The following TENT2 variants were observed in gnomAD, a reference collection of about 807,000 sequenced individuals.
TENT2 encodes the protein terminal nucleotidyltransferase 2, also known as poly(A) RNA polymerase GLD2.
In TENT2, 44 loss-of-function variants were observed where a neutral mutation model predicts 72.2. The ratio of observed to expected loss-of-function variants is 0.61; its 90% confidence interval spans 0.48 to 0.78. The LOEUF is 0.78. Ranked by LOEUF, TENT2 falls within the 30% of genes least tolerant of loss-of-function variation. The pLI is 0.00. For missense variants in TENT2, 541 were observed against 569.6 expected (o/e 0.95, Z 0.51); for synonymous variants, 212 against 192.5 (o/e 1.10, Z -0.84).
At chr5:79,677,962 CT>C (rs1265566332) in intron 12 of TENT2, among the ~76,000 whole-genome samples, 2 of 152,156 alleles carry the variant, frequency 1.3e-5, no homozygotes, top group Admixed American at 1.3e-4. Context: ...ACGCCTGCTA[CT>C]TTTTGGATTT....
chr5:79,677,102 A>G (rs954514097), intron 12 of TENT2, among the ~76,000 whole-genome samples: 13 of 152,228 alleles, frequency 8.5e-5, no homozygotes, highest in African/African-American at 2.4e-4. Flanking sequence ...GAGTACAAAG[A>G]GTATACAATT....
At chr5:79,664,404 G>A (rs1034257044) in intron 11 of TENT2, among the ~76,000 whole-genome samples, 15 of 152,008 alleles carry the variant, frequency 9.9e-5, no homozygotes, top group Admixed American at 9.8e-4. Flanking sequence ...AGATCATCCT[G>A]GCCAACATGG....
intron 4 of TENT2, among the ~76,000 whole-genome samples, chr5:79,629,482 A>T (rs73119781): frequency 2.6e-5 from 4 of 152,186 alleles, no homozygotes; most frequent in African/African-American, 9.7e-5. Flanking sequence ...CTAAACATAC[A>T]TGGTCTCTAC....
intron 1 of TENT2, among the ~76,000 whole-genome samples, chr5:79,617,794 A>G (rs567565673): frequency 7.2e-5 from 11 of 152,328 alleles, no homozygotes; most frequent in African/African-American, 2.6e-4. Flanking sequence ...GTCCTGTGCT[A>G]TTGAGAAGTC....
chr5:79,645,265 TAAG>T (rs1176678493), intron 8 of TENT2, 73 bp downstream of exon 8: 9 of 1,156,732 alleles, frequency 7.8e-6, no homozygotes, highest in Admixed American at 2.3e-5. Context: ...TAAAGATAAT[TAAG>T]AAGTGTATGT....
At chr5:79,643,607 A>C (rs1485930689) in intron 7 of TENT2, among the ~76,000 whole-genome samples, 2 of 152,182 alleles carry the variant, frequency 1.3e-5, no homozygotes, top group African/African-American at 4.8e-5. Flanking sequence ...CAAGTCAAGT[A>C]ACAAGTCACT....
chr5:79,679,752 G>A, intron 13 of TENT2, 82 bp downstream of exon 13: 1 of 748,058 alleles, frequency 1.3e-6, no homozygotes, highest in Admixed American at 3.2e-5. Flanking sequence ...TCAGTTAAAA[G>A]TAATACATTT....
Position 79,668,596 on chromosome 5 carries a change from T to C in TENT2, c.1072-296T>C. 5.3e-5 allele frequency: 12 copies of C among 225,036 alleles called. No individual in the cohort carries two copies. In the East Asian group the frequency reaches 6.2e-4, roughly 12 times the overall value. 13.9% of individuals were successfully genotyped at this position (225,036 alleles called of 1,614,324 possible). The stretch of plus-strand genomic sequence containing the variant: ...ATATGGTATTGGGTAGATCTTGGTT[T>C]GTATAGTAAGGTTTTATTTATGAGT... On this transcript the variant is annotated intron_variant, in intron 11 of 14. Transcript: ENST00000453514.
intron 4 of TENT2, among the ~76,000 whole-genome samples, chr5:79,633,620 T>C (rs951503653): frequency 5.3e-5 from 8 of 151,486 alleles, no homozygotes; most frequent in Admixed American, 5.3e-4. Flanking sequence ...TTCTCCATGT[T>C]GGTCAGGCTG....
chr5:79,622,013 T>C (rs1419234146), intron 3 of TENT2, among the ~76,000 whole-genome samples: 2 of 151,386 alleles, frequency 1.3e-5, no homozygotes, highest in African/African-American at 2.4e-5. Flanking sequence ...TAAAAAACCT[T>C]CTATGGGCCG....
chr5:79,666,722 C>G (rs1808406821), intron 11 of TENT2, among the ~76,000 whole-genome samples: 1 of 152,138 alleles, frequency 6.6e-6, no homozygotes, highest in Non-Finnish European at 1.5e-5. Flanking sequence ...AAGTGATCAT[C>G]TTTCACTTAA....
At chr5:79,642,661 TG>T (rs1416662363) in intron 6 of TENT2, among the ~76,000 whole-genome samples, 170 bp from the exon 7 acceptor site, 1 of 152,094 alleles carries the variant, frequency 6.6e-6, no homozygotes, top group African/African-American at 2.4e-5. Flanking sequence ...CATTAAAGGT[TG>T]ACTTTTTCTG....
In TENT2 at chr5:79,687,641, C is replaced by T. The variant is rs1193835156; in HGVS notation, c.*2368C>T. Among the ~76,000 whole-genome samples, 1 of 152,182 alleles carries T rather than the reference C, an allele frequency of 6.6e-6. No individual in the cohort carries two copies. Among genetic ancestry groups the T allele is most frequent in the African/African-American group, 2.4e-5 (1 of 41,446 alleles). On this transcript the variant is annotated 3_prime_UTR_variant, in exon 15 of 15. Coordinates refer to ENST00000453514, the MANE Select transcript of TENT2 (RefSeq NM_001114394.3). Reference sequence around the variant, plus strand: ...GTTCGGTACAGATGCAACCATTCTGCCTCCTCCCTACCCCCTCCCAAATAT... The same window carrying T: ...GTTCGGTACAGATGCAACCATTCTGTCTCCTCCCTACCCCCTCCCAAATAT...
At chr5:79,624,851 T>G (rs1219191812) in intron 4 of TENT2, among the ~76,000 whole-genome samples, 2 of 152,246 alleles carry the variant, frequency 1.3e-5, no homozygotes, top group Non-Finnish European at 2.9e-5. Flanking sequence ...CTGTTATGAA[T>G]AGTGCAGCTA....
At chr5:79,655,842 A>C (rs1247333368) in intron 10 of TENT2, among the ~76,000 whole-genome samples, 1 of 151,926 alleles carries the variant, frequency 6.6e-6, no homozygotes, top group Non-Finnish European at 1.5e-5. Context: ...CATGGGGATG[A>C]AATGTGATAC....
chr5:79,655,485 A>G (rs1561538224), intron 10 of TENT2, among the ~76,000 whole-genome samples: 1 of 152,068 alleles, frequency 6.6e-6, no homozygotes, highest in Non-Finnish European at 1.5e-5. Flanking sequence ...ATACTAGAGT[A>G]TTGAATGGGA....
At chr5:79,637,511 C>T (rs1205281469) in intron 4 of TENT2, among the ~76,000 whole-genome samples, 4 of 152,090 alleles carry the variant, frequency 2.6e-5, no homozygotes, top group East Asian at 1.9e-4. Context: ...ACTGCAACCT[C>T]GACCTCCCAG....
chr5:79,676,708 A>C (rs567883897), intron 12 of TENT2, among the ~76,000 whole-genome samples: 11 of 152,332 alleles, frequency 7.2e-5, no homozygotes, highest in Non-Finnish European at 1.3e-4. Context: ...TTTTATATTT[A>C]AAAGATGATC....
chr5:79,616,702 A>C (rs1760394317), intron 1 of TENT2, among the ~76,000 whole-genome samples: 1 of 152,228 alleles, frequency 6.6e-6, no homozygotes, highest in Non-Finnish European at 1.5e-5. Context: ...TAGGGTGTAC[A>C]GGTGAGGAAA....
Sources: gnomAD v4.1 joint callset for allele counts (sites outside exome capture counted in the v4.1 genomes callset) on GRCh38, gnomAD v4.1.1 for gene constraint, MANE v1.5 for transcripts, NCBI Gene and HGNC (gene_info 2026-07-23, HGNC 2026-07-21) for gene names.